Variants in FRYL observed in about 807,000 individuals in gnomAD.
The protein encoded by FRYL is protein furry homolog-like.
FRYL carries 150 observed loss-of-function variants against 351.2 expected under a neutral mutation model. The ratio of observed to expected loss-of-function variants is 0.43; its 90% CI spans 0.37 to 0.49. The LOEUF is 0.49. Among genes scored for constraint, FRYL ranks in the 20% least tolerant of loss-of-function variants. FRYL has a pLI of 0.00. For synonymous variants in FRYL, 1,153 were observed against 1,257.1 expected (o/e 0.92, Z 1.75); for missense variants, 3,036 against 3,619.3 (o/e 0.84, Z 4.13).
chr4:48,755,569 C>T (rs1378520433), intron 1 of FRYL, among the ~76,000 whole-genome samples: 1 of 152,174 alleles, frequency 6.6e-6, no homozygotes, highest in Non-Finnish European at 1.5e-5. Flanking sequence ...CAGCTGAAAT[C>T]CAGTTATACT....
intron 30 of FRYL, among the ~76,000 whole-genome samples, chr4:48,564,667 A>C (rs780704521): frequency 1.1e-4 from 16 of 152,180 alleles, no homozygotes; most frequent in Admixed American, 5.9e-4. Flanking sequence ...TTATTTATTG[A>C]CTTAGAACCC....
intron 22 of FRYL, among the ~76,000 whole-genome samples, chr4:48,579,700 T>G (rs1482563015): frequency 6.6e-6 from 1 of 152,152 alleles, no homozygotes. Context: ...ACTGAAGAGA[T>G]AAACATTTAT....
intron 61 of FRYL, among the ~76,000 whole-genome samples, chr4:48,502,321 A>G (rs1174542456): frequency 6.6e-6 from 1 of 152,166 alleles, no homozygotes; most frequent in East Asian, 1.9e-4. Context: ...TGGGCAGATC[A>G]CTTGAGCTCA....
intron 1 of FRYL, among the ~76,000 whole-genome samples, chr4:48,720,356 G>C (rs1267622610): frequency 2.0e-5 from 3 of 151,632 alleles, no homozygotes; most frequent in Non-Finnish European, 4.4e-5. Flanking sequence ...AATTAATCAG[G>C]CATGGTGGCA....
Position 48,581,625 on chromosome 4 carries a change from A to G in FRYL, c.1987-20T>C. The G allele has an allele frequency of 6.4e-7, 1 of 1,567,954 alleles. No individual in the cohort carries two copies. The highest frequency in any genetic ancestry group is 8.6e-7 in the Non-Finnish European group (1 of 1,160,484). On this transcript the variant is annotated intron_variant, in intron 20 of 63. Coordinates refer to ENST00000358350, the MANE Select transcript of FRYL (RefSeq NM_015030.2). ...ACCATGCTTGAAAAACAGAAGTTAA[A>G]AACAAAATATAAAAATATATGCACA...
At position 48,780,211 on chromosome 4, in the gene FRYL, A is replaced by G. The variant is rs1167563451; in HGVS notation, c.-517T>C. On this transcript the variant is annotated 5_prime_UTR_variant, in exon 1 of 64. Transcript: ENST00000358350. ...ATCCGATCGGAACCGATCTGTGGTT[A>G]AACCTCCCTCCGACTCTGATTTTAA... 4 of 152,568 alleles carry G rather than the reference A, an allele frequency of 2.6e-5. No homozygotes were observed. Among genetic ancestry groups the G allele is most frequent in the African/African-American group, 9.7e-5 (4 of 41,360 alleles). The allele number at this position is 152,568 out of a possible 1,614,324, so 9.5% of individuals were successfully genotyped here.
At chr4:48,760,996 T>C (rs1337255152) in intron 1 of FRYL, among the ~76,000 whole-genome samples, 3 of 140,588 alleles carry the variant, frequency 2.1e-5, no homozygotes, top group Non-Finnish European at 4.6e-5. Context: ...TACTCTCTAT[T>C]ATTACTCTGT....
At chr4:48,653,997 T>C (rs1758266694) in intron 3 of FRYL, 5 of 1,022,836 alleles carry the variant, frequency 4.9e-6, no homozygotes, top group Non-Finnish European at 6.2e-6. Flanking sequence ...TGAATGCAGA[T>C]GAACTATCCA....
At chr4:48,630,969 T>C (rs1752852778) in intron 4 of FRYL, among the ~76,000 whole-genome samples, 1 of 152,160 alleles carries the variant, frequency 6.6e-6, no homozygotes, top group African/African-American at 2.4e-5. Flanking sequence ...ACAGAATAAA[T>C]TTCAAAATAA....
intron 1 of FRYL, among the ~76,000 whole-genome samples, chr4:48,747,812 A>T (rs1772838499): frequency 1.3e-5 from 2 of 152,214 alleles, no homozygotes; most frequent in Non-Finnish European, 2.9e-5. Flanking sequence ...CACAATCTCA[A>T]CTTAAACCAG....
intron 3 of FRYL, among the ~76,000 whole-genome samples, chr4:48,677,885 C>T (rs1763981911): frequency 6.6e-6 from 1 of 151,996 alleles, no homozygotes; most frequent in African/African-American, 2.4e-5. Flanking sequence ...AGTAAATGAA[C>T]AAAACTGTAA....
intron 1 of FRYL, among the ~76,000 whole-genome samples, chr4:48,764,628 ACAT>A (rs1774765587): frequency 6.6e-6 from 1 of 152,224 alleles, no homozygotes; most frequent in Non-Finnish European, 1.5e-5. Flanking sequence ...GTTTACAACA[ACAT>A]CAAGAAGAAT....
chr4:48,512,591 C>T lies in FRYL; in HGVS notation c.8035G>A (p.Ala2679Thr). Residue 2679 changes from alanine to threonine, a missense_variant, in exon 57 of 64, where the codon GCA becomes ACA. Physicochemically the swap from Ala to Thr is moderately conservative, Grantham distance 58. This residue lies in a region of FRYL where 1,987 missense variants were observed against 2,311.7 expected (regional missense o/e 0.86). Transcript: ENST00000358350. ...SAIIAAFQPV[A>T]YDDEEEAWRC... The stretch of plus-strand genomic sequence containing the variant: ...CAGGCTTCCTCTTCATCATCATATG[C>T]CACGGGCTGAAAGGCGGCTATGATG... The T allele has an allele frequency of 6.2e-7, 1 of 1,613,986 alleles. No individual in the cohort carries two copies. The highest frequency in any genetic ancestry group is 8.5e-7 in the Non-Finnish European group (1 of 1,179,920).
chr4:48,769,523 T>C (rs1775304733), intron 1 of FRYL, among the ~76,000 whole-genome samples: 1 of 152,356 alleles, frequency 6.6e-6, no homozygotes, highest in East Asian at 1.9e-4. Flanking sequence ...GAAAACAGTC[T>C]GGTAGTTTCT....
intron 40 of FRYL, 139 bp downstream of exon 40, chr4:48,548,551 G>T (rs1208370760): frequency 6.5e-6 from 4 of 612,634 alleles, no homozygotes; most frequent in Non-Finnish European, 8.7e-6. Context: ...GAGACCAGAG[G>T]AATCATAGTG....
At position 48,501,730 on chromosome 4, in the gene FRYL, A is replaced by G; in HGVS notation, c.8485T>C (p.Leu2829=). 6.5e-7 allele frequency: 1 copy of G among 1,542,144 alleles called. No individual in the cohort carries two copies. Among genetic ancestry groups the G allele is most frequent in the Non-Finnish European group, 8.9e-7 (1 of 1,117,626 alleles). The change falls in exon 62 of 64, where the codon TTG becomes CTG. Residue 2829 remains leucine (L), a synonymous_variant. Coordinates refer to ENST00000358350, the MANE Select transcript of FRYL (RefSeq NM_015030.2). ...TTGTATAATCTTCGGCAGAGCTCCAATTCCTAGAAATAAATAACATTACAT... is the reference window on the plus strand; with the variant it reads ...TTGTATAATCTTCGGCAGAGCTCCAGTTCCTAGAAATAAATAACATTACAT... ...DAQQMEILAE[L]ELCRRLYKLH... is the part of the protein sequence containing the mutation.
intron 2 of FRYL, among the ~76,000 whole-genome samples, chr4:48,692,216 C>T (rs1009201133): frequency 6.6e-6 from 1 of 152,106 alleles, no homozygotes; most frequent in African/African-American, 2.4e-5. Flanking sequence ...GGAGCAAAGT[C>T]CCTTCTTCAC....
chr4:48,580,287 T>C (rs1740607535), intron 22 of FRYL, among the ~76,000 whole-genome samples: 1 of 152,182 alleles, frequency 6.6e-6, no homozygotes, highest in Admixed American at 6.5e-5. Flanking sequence ...GGAATCTTAA[T>C]ATATGACCTT....
intron 2 of FRYL, among the ~76,000 whole-genome samples, chr4:48,708,915 T>TTTTTTTTTG (rs1553866670): frequency 2.2e-5 from 3 of 138,920 alleles, no homozygotes; most frequent in African/African-American, 8.1e-5. Context: ...CGTGTGTTTT[T>TTTTTTTTTG]TTTTTTGTTT....
Sources: gnomAD v4.1 joint callset for allele counts (sites outside exome capture counted in the v4.1 genomes callset) on GRCh38, gnomAD v4.1.1 for gene constraint, gnomAD v4.1.1 regional missense constraint, MANE v1.5 for transcripts, NCBI Gene and HGNC (gene_info 2026-07-23, HGNC 2026-07-21) for gene names.